Variants in CHD8 observed in about 807,000 individuals in gnomAD.
The protein encoded by CHD8 is chromodomain helicase DNA binding protein 8, also known as ATP-dependent chromatin remodeler CHD8.
CHD8 carries 31 observed loss-of-function variants against 279.2 expected under a neutral mutation model. That is an observed-to-expected ratio of 0.11 (90% CI 0.08 to 0.15). CHD8 has a LOEUF of 0.15. CHD8 is among the 10% of genes least tolerant of loss of function. The pLI is 1.00. For synonymous variants in CHD8, 1,081 were observed against 1,139.6 expected (o/e 0.95, Z 1.04); for missense variants, 2,146 against 3,230.5 (o/e 0.66, Z 8.14).
chr14:21,438,601 G>A (rs1378415334), intron 1 of CHD8, among the ~76,000 whole-genome samples: 1 of 150,828 alleles, frequency 6.6e-6, no homozygotes, highest in African/African-American at 2.4e-5. Flanking sequence ...TTGGGAGAGC[G>A]AGGCGGGCAG....
Position 21,391,732 on chromosome 14 carries a change from ACT to A in CHD8, c.6886-92_6886-91del. 9.2e-6 allele frequency: 14 copies of A among 1,520,480 alleles called. No homozygotes were observed. In the South Asian group the frequency reaches 1.6e-4, roughly 17 times the overall value. 94.2% of individuals were successfully genotyped at this position (1,520,480 alleles called of 1,614,324 possible). A position where few individuals can be genotyped will look rare whatever the true frequency, so the allele number is the denominator to read the frequency against. ...CAGGGCCAATGGTAGTCATGAAATG[ACT>A]CTAGTATTTTCCATTCCCCCAGTCC... On this transcript the variant is annotated intron_variant, in intron 35 of 37. Coordinates refer to ENST00000646647, the MANE Select transcript of CHD8 (RefSeq NM_001170629.2).
At chr14:21,434,292 C>T (rs576514328) in intron 1 of CHD8, among the ~76,000 whole-genome samples, 3 of 152,104 alleles carry the variant, frequency 2.0e-5, no homozygotes, top group South Asian at 4.2e-4. Flanking sequence ...GGTGAGCCGT[C>T]GCCTCAGCCT....
intron 1 of CHD8, among the ~76,000 whole-genome samples, chr14:21,443,109 G>A (rs1444356672): frequency 1.3e-5 from 2 of 152,092 alleles, no homozygotes; most frequent in Non-Finnish European, 2.9e-5. Flanking sequence ...ACACTTAGCT[G>A]GGCTGGGCTC....
intron 1 of CHD8, among the ~76,000 whole-genome samples, chr14:21,449,386 A>T (rs1163505874): frequency 2.0e-5 from 3 of 152,216 alleles, no homozygotes; most frequent in African/African-American, 7.2e-5. Context: ...GTAGGCAAAT[A>T]AAAAGGAATT....
At position 21,400,865 on chromosome 14, in the gene CHD8, G is replaced by A. The variant is rs1344883953; in HGVS notation, c.4370+10C>T. 1.3e-6 allele frequency: 2 copies of A among 1,597,324 alleles called. No individual in the cohort carries two copies. The highest frequency in any genetic ancestry group is 1.3e-5 in the African/African-American group (1 of 74,490). ...TATGCACTACCTCTAATGGTAAGTT[G>A]GGGTCTTACCCATATACCAGGAGAT... On this transcript the variant is annotated intron_variant, in intron 22 of 37. Coordinates refer to ENST00000646647, the MANE Select transcript of CHD8 (RefSeq NM_001170629.2). This position sits in a 1 kb window ranked among gnomAD's most constrained non-coding sequence, Gnocchi z 4.2.
At chr14:21,443,057 C>G (rs774196892) in intron 1 of CHD8, among the ~76,000 whole-genome samples, 20 of 152,130 alleles carry the variant, frequency 1.3e-4, no homozygotes, top group Non-Finnish European at 2.9e-4. Context: ...CTGTAAATAA[C>G]TAATTTTTTA....
Position 21,414,294 on chromosome 14 carries a change from TA to T in CHD8, c.2142+6del. On this transcript the variant is annotated splice_donor_region_variant and intron_variant, in intron 9 of 37. Transcript: ENST00000646647. ...AGAAATGACAGGCAATACCTATTCC[TA>T]ATTACCTCATGGAAGAAGTGTCTCA... 7.3e-7 allele frequency: 1 copy of T among 1,370,958 alleles called. No homozygotes were observed. The allele number at this position is 1,370,958 out of a possible 1,614,324, so 84.9% of individuals were successfully genotyped here. A position where few individuals can be genotyped will look rare whatever the true frequency, so the allele number is the denominator to read the frequency against.
Position 21,402,306 on chromosome 14 carries a change from C to T in CHD8, c.3882+30G>A, listed in dbSNP as rs1888071805. The stretch of plus-strand genomic sequence containing the variant: ...TTCCCTCTATCACAATGATCTACTA[C>T]AAACTTATCTATAAACTAAGAGGAC... On this transcript the variant is annotated intron_variant, in intron 19 of 37. Transcript: ENST00000646647. The surrounding 1 kb of genome is among the most constrained non-coding windows in gnomAD (Gnocchi z 4.5). 1.9e-6 allele frequency: 3 copies of T among 1,612,264 alleles called. No homozygotes were observed. The highest frequency in any genetic ancestry group is 2.5e-6 in the Non-Finnish European group (3 of 1,178,604).
In CHD8 at chr14:21,408,057, C is replaced by CT. The variant is rs1888328398; in HGVS notation, c.2730+254dup. Among the ~76,000 whole-genome samples the CT allele has an allele frequency of 6.6e-6, 1 of 152,072 alleles. No individual in the cohort carries two copies. The highest frequency in any genetic ancestry group is 2.1e-4 in the South Asian group (1 of 4,824). ...AAAATTCATTGATGCTGACAAAATT[C>CT]TACTTAAAATGTGTATGTTCATAAA... On this transcript the variant is annotated intron_variant, in intron 13 of 37. Transcript: ENST00000646647. This position sits in a 1 kb window ranked among gnomAD's most constrained non-coding sequence, Gnocchi z 4.3.
At chr14:21,424,331 A>T (rs1283173942) in intron 5 of CHD8, among the ~76,000 whole-genome samples, 1 of 152,106 alleles carries the variant, frequency 6.6e-6, no homozygotes, top group African/African-American at 2.4e-5. Flanking sequence ...ATTTGAGTTG[A>T]TTTCTAAGCT....
At chr14:21,404,342 G>C (rs953031492) in intron 16 of CHD8, among the ~76,000 whole-genome samples, 1 of 149,200 alleles carries the variant, frequency 6.7e-6, no homozygotes, top group South Asian at 2.1e-4. Flanking sequence ...GAGTTGCAGT[G>C]AGCCGAGATT....
At chr14:21,435,498 A>G (rs1889745334) in intron 1 of CHD8, among the ~76,000 whole-genome samples, 1 of 152,092 alleles carries the variant, frequency 6.6e-6, no homozygotes, top group Non-Finnish European at 1.5e-5. Context: ...TTCTTATTTG[A>G]CATTATTCCT....
intron 28 of CHD8, 39 bp downstream of exon 28, chr14:21,395,778 G>T (rs751161358): frequency 1.7e-6 from 2 of 1,188,696 alleles, no homozygotes; most frequent in African/African-American, 3.1e-5. Context: ...AAACTATTTA[G>T]TAATAGAGAA....
At chr14:21,419,033 G>T (rs950997497) in intron 5 of CHD8, among the ~76,000 whole-genome samples, 1 of 152,116 alleles carries the variant, frequency 6.6e-6, no homozygotes, top group African/African-American at 2.4e-5. Flanking sequence ...CAAAATTTGT[G>T]CATATTTTAT....
rs1889402868 is a variant in CHD8, at chr14:21,428,048, G to T, written c.1422C>A (p.Ala474=). The change falls in exon 4 of 38, where the codon GCC becomes GCA. Residue 474 remains alanine, a synonymous_variant. Transcript: ENST00000646647. ...CTCGAGGTATGTTCTGCTCACCGCG[G>T]GCACGGGCTCTCGCAATGGCCTCTG... is the stretch of plus-strand genomic sequence containing the variant. ...IVAEAIARAR[A]RGEQNIPRVL... 1 of 1,613,900 alleles carries T rather than the reference G, an allele frequency of 6.2e-7. No homozygotes were observed. Among genetic ancestry groups the T allele is most frequent in the Non-Finnish European group, 8.5e-7 (1 of 1,179,906 alleles).
chr14:21,429,574 G>A, intron 2 of CHD8: 1 of 627,608 alleles, frequency 1.6e-6, no homozygotes. Flanking sequence ...CAACACTACT[G>A]CTGATCAGCA....
At position 21,403,260 on chromosome 14, in the gene CHD8, G is replaced by A. The variant is rs150706384; in HGVS notation, c.3519-48C>T. On this transcript the variant is annotated intron_variant, in intron 17 of 37. Transcript: ENST00000646647. This position sits in a 1 kb window ranked among gnomAD's most constrained non-coding sequence, Gnocchi z 4.3. ...AAATGTAAGTGGCTAAGCAGAAGTG[G>A]AGACCAAAACAGCAGGCTAGGATCA... 7.2e-4 allele frequency: 1,139 copies of A among 1,573,538 alleles called. 2 individuals carry two copies. Among genetic ancestry groups the A allele is most frequent in the Non-Finnish European group, 9.2e-4 (1,057 of 1,150,226 alleles).
chr14:21,405,426 C>A lies in CHD8; in HGVS notation c.3090G>T (p.Leu1030=). 1 of 1,601,598 alleles carries A rather than the reference C, an allele frequency of 6.2e-7. No homozygotes were observed. The highest frequency in any genetic ancestry group is 8.5e-7 in the Non-Finnish European group (1 of 1,173,328). The change falls in exon 16 of 38, where the codon CTG becomes CTT. Residue 1030 remains leucine, a synonymous_variant. Coordinates refer to ENST00000646647, the MANE Select transcript of CHD8 (RefSeq NM_001170629.2). This position sits in a 1 kb window ranked among gnomAD's most constrained non-coding sequence, Gnocchi z 4.2. The part of the protein sequence containing the change: ...KLQAILKPMM[L]RRLKEDVEKN... ...TTTCAACATCCTCTTTGAGTCTTCT[C>A]AGCATCATTGGCTTAAGAATGGCCT...
At chr14:21,398,224 G>GTTTTATTTAT (rs1887872302) in intron 26 of CHD8, 2 of 193,674 alleles carry the variant, frequency 1.0e-5, no homozygotes, top group Non-Finnish European at 2.1e-5. Context: ...CTTGCCTGCA[G>GTTTTATTTAT]TTTTATTTAT....
Sources: allele counts gnomAD v4.1 joint callset (sites outside exome capture counted in the v4.1 genomes callset), GRCh38; gene constraint gnomAD v4.1.1; non-coding constraint Gnocchi (gnomAD v3.1); transcripts MANE v1.5; gene names NCBI Gene and HGNC (gene_info 2026-07-23, HGNC 2026-07-21).